The following PCDHA6 variants were observed in gnomAD, a reference collection of about 807,000 sequenced individuals.
PCDHA6 encodes the protein protocadherin alpha-6.
PCDHA6 carries 55 observed loss-of-function variants against 60.3 expected under a neutral mutation model. The observed-to-expected ratio is 0.91, with a 90% CI of 0.73 to 1.14. PCDHA6 has a LOEUF of 1.14. Among genes scored for constraint, PCDHA6 ranks in the 50% most tolerant of loss-of-function variants. PCDHA6 has a pLI of 0.00. For synonymous variants in PCDHA6, 652 were observed against 557.9 expected (o/e 1.17, Z -2.38); for missense variants, 1,327 against 1,256.5 (o/e 1.06, Z -0.85).
At chr5:140,928,061 C>T (rs2084900711) in intron 1 of PCDHA6, 1 of 1,614,192 alleles carries the variant, frequency 6.2e-7, no homozygotes, top group African/African-American at 1.3e-5. Flanking sequence ...CTGACGGCTT[C>T]CTTTGACAAC....
At chr5:140,917,301 G>T (rs2078005324) in intron 1 of PCDHA6, among the ~76,000 whole-genome samples, 1 of 138,576 alleles carries the variant, frequency 7.2e-6, no homozygotes, top group Non-Finnish European at 1.5e-5. Flanking sequence ...GCAGATAGTT[G>T]TTACAATTTG....
At chr5:140,987,944 T>C (rs910006070) in intron 3 of PCDHA6, among the ~76,000 whole-genome samples, 11 of 152,186 alleles carry the variant, frequency 7.2e-5, no homozygotes, top group African/African-American at 2.7e-4. Context: ...CTTACCTGTC[T>C]GACAAAACCA....
At chr5:140,868,806 G>T (rs374832846) in intron 1 of PCDHA6, 1 of 357,072 alleles carries the variant, frequency 2.8e-6, no homozygotes, top group South Asian at 6.9e-5. Flanking sequence ...AAATAAGCAC[G>T]TTGGAAATAT....
At chr5:140,860,395 G>C (rs1369632482) in intron 1 of PCDHA6, 2 of 151,922 alleles carry the variant, frequency 1.3e-5, no homozygotes, top group African/African-American at 4.8e-5. Context: ...ATTGAAAAAA[G>C]CAAAAGCAAT....
intron 1 of PCDHA6, chr5:140,877,051 G>C (rs1554169275): frequency 1.2e-6 from 2 of 1,612,752 alleles, no homozygotes; most frequent in Non-Finnish European, 1.7e-6. Context: ...AGACCACGAG[G>C]AGCTGGAGCT....
intron 1 of PCDHA6, among the ~76,000 whole-genome samples, chr5:140,894,286 A>T (rs2064400911): frequency 6.6e-6 from 1 of 151,788 alleles, no homozygotes; most frequent in African/African-American, 2.4e-5. Flanking sequence ...GTATTTTTGA[A>T]GTTTATTTTC....
At chr5:140,997,476 A>G (rs782742177) in intron 3 of PCDHA6, among the ~76,000 whole-genome samples, 1 of 152,196 alleles carries the variant, frequency 6.6e-6, no homozygotes, top group Admixed American at 6.5e-5. Flanking sequence ...TTTTTACACA[A>G]TGATAAGTAT....
intron 1 of PCDHA6, among the ~76,000 whole-genome samples, chr5:140,976,828 C>G (rs935294640): frequency 6.6e-6 from 1 of 152,262 alleles, no homozygotes; most frequent in Admixed American, 6.5e-5. Flanking sequence ...GTCTAATGAG[C>G]AAAACAGATA....
chr5:140,988,524 T>C (rs1338675660), intron 3 of PCDHA6, among the ~76,000 whole-genome samples: 2 of 152,212 alleles, frequency 1.3e-5, no homozygotes, highest in East Asian at 3.8e-4. Context: ...AAGTCTCTGC[T>C]GGCTCCATCC....
intron 1 of PCDHA6, chr5:140,969,509 C>A: frequency 7.1e-7 from 1 of 1,416,136 alleles, no homozygotes; most frequent in Non-Finnish European, 9.4e-7. Context: ...AAAAATAGCA[C>A]TAAAGAATTG....
rs2150251628 is a variant in PCDHA6, at chr5:140,836,057, G to C, written c.2394+5572G>C. On this transcript the variant is annotated intron_variant, in intron 1 of 3. Coordinates refer to ENST00000529310, the MANE Select transcript of PCDHA6 (RefSeq NM_018909.4). The stretch of plus-strand genomic sequence containing the variant: ...CGCTGCAGGTGTTCGTGCTGGACGA[G>C]AACGACAACGCGCCGGCACTGCTGG... The C allele has an allele frequency of 3.1e-6, 5 of 1,613,614 alleles. No homozygotes were observed. In the South Asian group the frequency reaches 4.4e-5, roughly 14 times the overall value.
At chr5:140,951,289 T>C (rs546786558) in intron 1 of PCDHA6, among the ~76,000 whole-genome samples, 12 of 152,232 alleles carry the variant, frequency 7.9e-5, no homozygotes, top group Non-Finnish European at 1.3e-4. Context: ...TTTTGGATTA[T>C]ATCTTGATAT....
At chr5:140,863,510 T>C in intron 1 of PCDHA6, 1 of 411,624 alleles carries the variant, frequency 2.4e-6, no homozygotes, top group Non-Finnish European at 4.8e-6. Context: ...TTAGTCCTAG[T>C]GTTCTCCCAT....
At chr5:140,882,492 T>C (rs782572325) in intron 1 of PCDHA6, 1 of 1,614,090 alleles carries the variant, frequency 6.2e-7, no homozygotes, top group South Asian at 1.1e-5. Flanking sequence ...GGGGACCTTC[T>C]GGAGGTAAAT....
At chr5:140,977,634 T>A (rs187884163) in intron 1 of PCDHA6, among the ~76,000 whole-genome samples, 83 of 152,298 alleles carry the variant, frequency 5.4e-4, no homozygotes, top group African/African-American at 1.9e-3. Context: ...TTGTAACTTT[T>A]TCTGGGCCTT....
intron 1 of PCDHA6, among the ~76,000 whole-genome samples, chr5:140,925,841 C>CT (rs1451775258): frequency 1.3e-5 from 2 of 152,066 alleles, no homozygotes; most frequent in African/African-American, 4.8e-5. Flanking sequence ...GTCGTCAAGT[C>CT]TTTGAGTTTC....
Position 140,858,234 on chromosome 5 carries a change from C to T in PCDHA6, c.2394+27749C>T, listed in dbSNP as rs782153266. 3 of 1,596,216 alleles carry T rather than the reference C, an allele frequency of 1.9e-6. No homozygotes were observed. The highest frequency in any genetic ancestry group is 3.4e-5 in the Admixed American group (2 of 59,220). ...TGCTCGGCGGCGCCCACCGAGGGCGCATGTGGGCCGGTGAAGCCCACGCTG... is the reference window on the plus strand; with the variant it reads ...TGCTCGGCGGCGCCCACCGAGGGCGTATGTGGGCCGGTGAAGCCCACGCTG... On this transcript the variant is annotated intron_variant, in intron 1 of 3. Coordinates refer to ENST00000529310, the MANE Select transcript of PCDHA6 (RefSeq NM_018909.4).
At chr5:140,958,104 T>C (rs1554223331) in intron 1 of PCDHA6, among the ~76,000 whole-genome samples, 1 of 151,916 alleles carries the variant, frequency 6.6e-6, no homozygotes, top group Admixed American at 6.6e-5. Flanking sequence ...GTGTGTAGAG[T>C]GTGGTTCCAT....
At chr5:140,919,614 T>C (rs1186816141) in intron 1 of PCDHA6, among the ~76,000 whole-genome samples, 1 of 152,212 alleles carries the variant, frequency 6.6e-6, no homozygotes, top group Non-Finnish European at 1.5e-5. Flanking sequence ...TTAAACTGTA[T>C]CTTTTGAGTT....
Sources: gnomAD v4.1 joint callset for allele counts (sites outside exome capture counted in the v4.1 genomes callset) on GRCh38, gnomAD v4.1.1 for gene constraint, MANE v1.5 for transcripts, NCBI Gene and HGNC (gene_info 2026-07-23, HGNC 2026-07-21) for gene names.